Variants in SMOC1 observed in about 807,000 individuals in gnomAD.
The protein encoded by SMOC1 is SPARC-related modular calcium-binding protein 1.
SMOC1 carries 22 observed loss-of-function variants against 56.3 expected under a neutral mutation model. That is an observed-to-expected ratio of 0.39 (90% CI 0.28 to 0.56). The LOEUF (loss-of-function observed/expected upper bound fraction) is 0.56. SMOC1 is among the 20% of genes least tolerant of loss of function. The pLI is 0.61. For synonymous variants in SMOC1, 193 were observed against 215.0 expected (o/e 0.90, Z 0.89); for missense variants, 509 against 565.4 (o/e 0.90, Z 1.01).
intron 1 of SMOC1, among the ~76,000 whole-genome samples, chr14:69,892,645 A>G (rs978647920): frequency 1.3e-5 from 2 of 152,166 alleles, no homozygotes; most frequent in Admixed American, 6.5e-5. Context: ...TGTTTCTTCT[A>G]CCAGTCTCCC....
intron 1 of SMOC1, among the ~76,000 whole-genome samples, chr14:69,908,261 A>G (rs1277976239): frequency 1.3e-5 from 2 of 152,214 alleles, no homozygotes; most frequent in Non-Finnish European, 2.9e-5. Context: ...GGGTGGCAGT[A>G]TTATGGAGAC....
At chr14:69,915,241 C>G (rs1004402887) in intron 1 of SMOC1, among the ~76,000 whole-genome samples, 41 of 152,226 alleles carry the variant, frequency 2.7e-4, no homozygotes, top group African/African-American at 9.6e-4. Context: ...CTTCCTCTTT[C>G]ACTGAGAAAT....
At chr14:70,007,466 C>T (rs1480171081) in intron 7 of SMOC1, among the ~76,000 whole-genome samples, 1 of 152,188 alleles carries the variant, frequency 6.6e-6, no homozygotes, top group Non-Finnish European at 1.5e-5. Flanking sequence ...GTGCTTAGGT[C>T]GAGAAGACAT....
chr14:70,008,593 G>A (rs1351877866), intron 7 of SMOC1, among the ~76,000 whole-genome samples: 2 of 152,170 alleles, frequency 1.3e-5, no homozygotes, highest in Non-Finnish European at 2.9e-5. Flanking sequence ...TGAGGGTCTC[G>A]GGACCCCCAG....
At chr14:69,895,867 CT>C (rs71448303) in intron 1 of SMOC1, among the ~76,000 whole-genome samples, 2,565 of 122,650 alleles carry the variant, frequency 0.021, 32 homozygotes, top group Middle Eastern at 0.049. Context: ...CTCTTTTTTT[CT>C]TTTTTTTTTT....
chr14:69,997,811 T>G (rs1229239629), intron 7 of SMOC1, among the ~76,000 whole-genome samples: 3 of 152,084 alleles, frequency 2.0e-5, no homozygotes, highest in African/African-American at 4.8e-5. Context: ...CCTGAGACAG[T>G]TTTTCATTAG....
chr14:70,017,686 G>A (rs572847351), intron 10 of SMOC1, among the ~76,000 whole-genome samples: 14 of 152,280 alleles, frequency 9.2e-5, no homozygotes, highest in African/African-American at 2.9e-4. Flanking sequence ...CAGCTCTCAC[G>A]TTTCAACCCG....
At chr14:69,944,367 C>A (rs1439865340) in intron 1 of SMOC1, among the ~76,000 whole-genome samples, 1 of 152,136 alleles carries the variant, frequency 6.6e-6, no homozygotes, top group East Asian at 1.9e-4. Context: ...GTGCACAGTC[C>A]AGAGGTAGGA....
intron 1 of SMOC1, among the ~76,000 whole-genome samples, chr14:69,916,629 C>T (rs1046692740): frequency 6.6e-6 from 1 of 152,212 alleles, no homozygotes; most frequent in African/African-American, 2.4e-5. Context: ...GGGCCTTTGC[C>T]CTTGCTGTTC....
At chr14:70,007,525 G>A (rs1234310562) in intron 7 of SMOC1, among the ~76,000 whole-genome samples, 2 of 152,234 alleles carry the variant, frequency 1.3e-5, no homozygotes, top group Non-Finnish European at 2.9e-5. Flanking sequence ...GATTTTGAAT[G>A]CAGCAGATTT....
At chr14:69,892,683 C>G (rs1274487886) in intron 1 of SMOC1, among the ~76,000 whole-genome samples, 1 of 152,160 alleles carries the variant, frequency 6.6e-6, no homozygotes, top group Non-Finnish European at 1.5e-5. Context: ...TATTTTGAAG[C>G]AAACATCTCC....
intron 3 of SMOC1, among the ~76,000 whole-genome samples, chr14:69,973,469 G>A (rs1883848395): frequency 1.3e-5 from 2 of 152,166 alleles, no homozygotes; most frequent in African/African-American, 2.4e-5. Flanking sequence ...CCACCATTAA[G>A]GCTCCTCAGA....
In SMOC1 at chr14:69,885,493, A is replaced by T. The variant is rs1464373475; in HGVS notation, c.99+5716A>T. 19 of 1,600,066 alleles carry T rather than the reference A, an allele frequency of 1.2e-5. No homozygotes were observed. In the South Asian group the frequency reaches 1.8e-4, roughly 15 times the overall value. Reference sequence around the variant, plus strand: ...TGGTCCTGATAGCTTCCACCAGCTTAGCCAAAGCGCCTTTGTCTTCTGAGT... The same window carrying T: ...TGGTCCTGATAGCTTCCACCAGCTTTGCCAAAGCGCCTTTGTCTTCTGAGT... On this transcript the variant is annotated intron_variant, in intron 1 of 11. Transcript: ENST00000361956.
At chr14:69,954,040 TA>T (rs1197587261) in intron 3 of SMOC1, among the ~76,000 whole-genome samples, 2 of 152,004 alleles carry the variant, frequency 1.3e-5, no homozygotes, top group Non-Finnish European at 2.9e-5. Flanking sequence ...CACATACAGG[TA>T]TGCATATACT....
chr14:70,003,788 T>C (rs1335411142), intron 7 of SMOC1, among the ~76,000 whole-genome samples: 1 of 152,240 alleles, frequency 6.6e-6, no homozygotes, highest in Non-Finnish European at 1.5e-5. Context: ...GCTTCAGGGA[T>C]GGAGGATGGC....
At chr14:69,920,401 C>G (rs1466188247) in intron 1 of SMOC1, among the ~76,000 whole-genome samples, 2 of 152,152 alleles carry the variant, frequency 1.3e-5, no homozygotes, top group African/African-American at 4.8e-5. Context: ...TGGCAGCAGA[C>G]AGCCCTCATA....
At chr14:69,961,257 G>C (rs1883358744) in intron 3 of SMOC1, among the ~76,000 whole-genome samples, 1 of 98,824 alleles carries the variant, frequency 1.0e-5, no homozygotes, top group African/African-American at 4.4e-5. Context: ...TTATTGTCAA[G>C]CAATATTCTA....
At chr14:70,005,592 C>T (rs2139575837) in intron 7 of SMOC1, among the ~76,000 whole-genome samples, 1 of 152,234 alleles carries the variant, frequency 6.6e-6, no homozygotes, top group East Asian at 1.9e-4. Context: ...TGAGTATTTA[C>T]CATGTGCCAG....
chr14:69,989,725 C>T (rs1378737636), intron 5 of SMOC1, among the ~76,000 whole-genome samples: 7 of 152,180 alleles, frequency 4.6e-5, no homozygotes, highest in Admixed American at 4.6e-4. Flanking sequence ...ATATAGAAAC[C>T]TTGTTCTCTC....
Sources: gnomAD v4.1 joint callset for allele counts (sites outside exome capture counted in the v4.1 genomes callset) on GRCh38, gnomAD v4.1.1 for gene constraint, MANE v1.5 for transcripts, NCBI Gene and HGNC (gene_info 2026-07-23, HGNC 2026-07-21) for gene names.